ELAPOR1: variants seen among roughly 807,000 people sequenced by gnomAD.
ELAPOR1 encodes endosome/lysosome-associated apoptosis and autophagy regulator 1.
A neutral mutation model predicts 119.7 loss-of-function variants in ELAPOR1; 77 were observed. That is an observed-to-expected ratio of 0.64 (90% confidence interval 0.54 to 0.78). The LOEUF is 0.78. Ranked by LOEUF, ELAPOR1 falls within the 30% of genes least tolerant of loss-of-function variation. The pLI is 0.00. For synonymous variants in ELAPOR1, 481 were observed against 487.2 expected (o/e 0.99, Z 0.17); for missense variants, 1,115 against 1,270.4 (o/e 0.88, Z 1.86).
chr1:109,197,042 C>G (rs1653843424), intron 15 of ELAPOR1, among the ~76,000 whole-genome samples: 1 of 151,844 alleles, frequency 6.6e-6, no homozygotes, highest in South Asian at 2.1e-4. Flanking sequence ...TGGCTCACCC[C>G]TGTAATCCCA....
rs1053781182 is a variant in ELAPOR1 at position 109,203,331 on chromosome 1, A to G, written c.*319A>G. ...ATAGCTTTGGAATGAAAATATTTCTATCTTCTTAAGTATAGAAACTATTTC... is the reference window on the plus strand; with the variant it reads ...ATAGCTTTGGAATGAAAATATTTCTGTCTTCTTAAGTATAGAAACTATTTC... On this transcript the variant is annotated 3_prime_UTR_variant, in exon 22 of 22. Coordinates refer to ENST00000369939, the MANE Select transcript of ELAPOR1 (RefSeq NM_020775.5). 4.7e-5 allele frequency: 15 copies of G among 320,514 alleles called. No individual in the cohort carries two copies. Among genetic ancestry groups the G allele is most frequent in the African/African-American group, 1.3e-4 (6 of 44,900 alleles). 19.9% of individuals were successfully genotyped at this position (320,514 alleles called of 1,614,324 possible). A position where few individuals can be genotyped will look rare whatever the true frequency, so the allele number is the denominator to read the frequency against.
At chr1:109,197,851 C>T (rs3818508) in intron 16 of ELAPOR1, 128 bp from the exon 17 acceptor site, 99,358 of 1,010,760 alleles carry the variant, frequency 0.098, 7,977 homozygotes, top group East Asian at 0.42. Context: ...CTTGTTTCAC[C>T]CTTTCATAAG....
At chr1:109,149,302 T>G (rs1475794623) in intron 1 of ELAPOR1, among the ~76,000 whole-genome samples, 1 of 151,684 alleles carries the variant, frequency 6.6e-6, no homozygotes, top group Non-Finnish European at 1.5e-5. Context: ...GTTAGAGCAG[T>G]AGCTTTTTTT....
At position 109,198,006 on chromosome 1, in the gene ELAPOR1, G is replaced by A. The variant is rs1445419027; in HGVS notation, c.2330G>A (p.Gly777Glu). The A allele has an allele frequency of 6.2e-7, 1 of 1,614,132 alleles. No individual in the cohort carries two copies. Among genetic ancestry groups the A allele is most frequent in the Admixed American group, 1.7e-5 (1 of 60,014 alleles). ...IGVTTDMTLD[G>E]ITSPAELFHL... ...GTGACAACAGATATGACTCTGGATG[G>A]AATCACCTCCCCAGCTGAACTTTTC... Residue 777 changes from glycine to glutamate, a missense_variant, in exon 17 of 22, where the codon GGA becomes GAA. By Grantham distance (98) the Gly-to-Glu change is moderately conservative. Coordinates refer to ENST00000369939, the MANE Select transcript of ELAPOR1 (RefSeq NM_020775.5).
Position 109,185,120 on chromosome 1 carries a change from A to G in ELAPOR1, c.1028A>G (p.Asp343Gly). 3.7e-6 allele frequency: 6 copies of G among 1,613,856 alleles called. No individual in the cohort carries two copies. The highest frequency in any genetic ancestry group is 4.2e-6 in the Non-Finnish European group (5 of 1,179,726). ...KDYFYTHTAC[D>G]ANGETQLMYK... Reference sequence around the variant, plus strand: ...TATTTCTACACACACACGGCCTGCGATGCCAACGGAGAGGTGGGTAGTACA... The same window carrying G: ...TATTTCTACACACACACGGCCTGCGGTGCCAACGGAGAGGTGGGTAGTACA... Residue 343 changes from aspartate to glycine, a missense_variant, in exon 8 of 22, where the codon GAT (aspartate) becomes GGT (glycine). By Grantham distance (94) the Asp-to-Gly change is moderately conservative. Coordinates refer to ENST00000369939, the MANE Select transcript of ELAPOR1 (RefSeq NM_020775.5).
At chr1:109,202,800 G>T in intron 21 of ELAPOR1, 144 bp from the exon 22 acceptor site, 1 of 801,530 alleles carries the variant, frequency 1.2e-6, no homozygotes, top group East Asian at 2.4e-5. Context: ...CAGAATAGAG[G>T]GTATCTCATT....
chr1:109,191,892 A>T (rs753053978), intron 13 of ELAPOR1, 29 bp downstream of exon 13: 13 of 1,612,996 alleles, frequency 8.1e-6, no homozygotes, highest in Non-Finnish European at 1.1e-5. Flanking sequence ...TCAGACCCCC[A>T]GGAGAGACCC....
chr1:109,164,432 G>A lies in ELAPOR1; in HGVS notation c.275-67G>A, dbSNP rs765270430. ...CCAGCGCTCCTCCCTTCAGCTGCTC[G>A]CAGCCCATTCACTTCTGGGGCTGCA... On this transcript the variant is annotated intron_variant, in intron 2 of 21. Coordinates refer to ENST00000369939, the MANE Select transcript of ELAPOR1 (RefSeq NM_020775.5). 2.8e-5 allele frequency: 40 copies of A among 1,427,266 alleles called. 1 individual carries two copies. In the Admixed American group the frequency reaches 6.3e-4, roughly 23 times the overall value. The allele number at this position is 1,427,266 out of a possible 1,614,324, so 88.4% of individuals were successfully genotyped here.
intron 3 of ELAPOR1, among the ~76,000 whole-genome samples, chr1:109,170,596 G>C (rs905852612): frequency 6.6e-6 from 1 of 152,136 alleles, no homozygotes; most frequent in African/African-American, 2.4e-5. Flanking sequence ...GCTTGGCAGA[G>C]GAATTGAAAG....
rs1329108121 is a variant in ELAPOR1, at chr1:109,114,126, A to G, written c.-58A>G. The G allele has an allele frequency of 6.2e-6, 9 of 1,457,448 alleles. No homozygotes were observed. In the South Asian group the frequency reaches 9.6e-5, roughly 16 times the overall value. The allele number at this position is 1,457,448 out of a possible 1,614,324, so 90.3% of individuals were successfully genotyped here. A position where few individuals can be genotyped will look rare whatever the true frequency, so the allele number is the denominator to read the frequency against. ...CTCCCCTTTTTTTCCGCCTTCTGCC[A>G]GCAGAAGCAGCAGCCGCAGCACCTG... On this transcript the variant is annotated 5_prime_UTR_variant, in exon 1 of 22. Transcript: ENST00000369939.
In ELAPOR1 at chr1:109,200,907, G is replaced by A. The variant is rs754089064; in HGVS notation, c.2973+7G>A. 17 of 1,612,042 alleles carry A rather than the reference G, an allele frequency of 1.1e-5. No individual in the cohort carries two copies. The highest frequency in any genetic ancestry group is 1.7e-5 in the Admixed American group (1 of 59,880). ...CAAATCATTTACCTCCAAGGTAGGG[G>A]TCCTGGCCAGTGCACTGAGGTCAGC... is the stretch of plus-strand genomic sequence containing the variant. On this transcript the variant is annotated splice_region_variant and intron_variant, in intron 21 of 21. Coordinates refer to ENST00000369939, the MANE Select transcript of ELAPOR1 (RefSeq NM_020775.5).
chr1:109,168,793 A>T (rs1651753589), intron 3 of ELAPOR1, among the ~76,000 whole-genome samples: 1 of 152,238 alleles, frequency 6.6e-6, no homozygotes, highest in South Asian at 2.1e-4. Flanking sequence ...TCTAAAAATG[A>T]TGATAAAAAT....
chr1:109,124,485 C>T (rs547222337), intron 1 of ELAPOR1, among the ~76,000 whole-genome samples: 3 of 152,180 alleles, frequency 2.0e-5, no homozygotes, highest in African/African-American at 7.2e-5. Context: ...CAACCAATTT[C>T]TATTAGAATG....
intron 2 of ELAPOR1, among the ~76,000 whole-genome samples, chr1:109,164,247 T>G (rs1465171816): frequency 6.6e-6 from 1 of 152,100 alleles, no homozygotes; most frequent in Non-Finnish European, 1.5e-5. Context: ...ACTTTCTGTC[T>G]CTATGGCTTC....
intron 7 of ELAPOR1, among the ~76,000 whole-genome samples, chr1:109,181,844 A>T (rs1325759537): frequency 1.3e-5 from 2 of 152,144 alleles, no homozygotes; most frequent in Admixed American, 6.6e-5. Context: ...GAGACAGAAG[A>T]GGTATGGAGA....
Position 109,114,293 on chromosome 1 carries a change from A to C in ELAPOR1, c.110A>C (p.Gln37Pro). ...CTGCTCTGGGCTGGGACCGCCTTCC[A>C]GGTGACCCAGGGAACGGGACCGGAG... ...RLLLWAGTAF[Q>P]VTQGTGPELH... Residue 37 changes from glutamine (Q) to proline (P), a missense_variant, in exon 1 of 22, where the codon CAG (glutamine) becomes CCG (proline). Gln to Pro is a moderately conservative substitution (Grantham distance 76). Transcript: ENST00000369939. 1.2e-6 allele frequency: 2 copies of C among 1,600,678 alleles called. No homozygotes were observed. The highest frequency in any genetic ancestry group is 2.3e-5 in the South Asian group (2 of 88,764).
intron 1 of ELAPOR1, among the ~76,000 whole-genome samples, chr1:109,158,644 C>T (rs185637223): frequency 2.0e-4 from 31 of 152,168 alleles, no homozygotes; most frequent in Non-Finnish European, 4.3e-4. Context: ...TTTGGGTGTG[C>T]GTCATAGAAT....
chr1:109,134,378 C>A (rs1287313695), intron 1 of ELAPOR1, among the ~76,000 whole-genome samples: 1 of 152,132 alleles, frequency 6.6e-6, no homozygotes, highest in African/African-American at 2.4e-5. Context: ...AATGGTGAAG[C>A]CCTGGTGTGG....
chr1:109,191,997 C>A, intron 13 of ELAPOR1, 134 bp downstream of exon 13: 1 of 1,086,728 alleles, frequency 9.2e-7, no homozygotes, highest in Non-Finnish European at 1.3e-6. Flanking sequence ...AAGCAGAAAA[C>A]TGCCTAACCC....
Sources: allele counts gnomAD v4.1 joint callset (sites outside exome capture counted in the v4.1 genomes callset), GRCh38; gene constraint gnomAD v4.1.1; transcripts MANE v1.5; gene names NCBI Gene and HGNC (gene_info 2026-07-23, HGNC 2026-07-21).